The following SLC39A11 variants were observed in gnomAD, a reference collection of about 807,000 sequenced individuals.
The protein encoded by SLC39A11 is zinc transporter ZIP11.
SLC39A11 carries 33 observed loss-of-function variants against 36.1 expected under a neutral mutation model. The observed-to-expected ratio is 0.91, with a 90% CI of 0.69 to 1.22. The LOEUF is 1.22. SLC39A11 is among the 50% of genes most tolerant of loss of function. The pLI, the probability that SLC39A11 is intolerant of heterozygous loss-of-function variation, is 0.00. For synonymous variants in SLC39A11, 166 were observed against 170.3 expected (o/e 0.97, Z 0.20); for missense variants, 432 against 430.3 (o/e 1.00, Z -0.03).
chr17:72,993,398 T>G (rs1222052320), intron 4 of SLC39A11, among the ~76,000 whole-genome samples: 1 of 152,108 alleles, frequency 6.6e-6, no homozygotes, highest in African/African-American at 2.4e-5. Context: ...TCTGTAGGAG[T>G]TGAAACCCAC....
chr17:72,697,510 A>G (rs9902752), intron 7 of SLC39A11, among the ~76,000 whole-genome samples: 22,496 of 152,070 alleles, frequency 0.15, 2,251 homozygotes, highest in African/African-American at 0.29. Flanking sequence ...GTCTCACCCA[A>G]TCTCCCACAA....
At chr17:73,054,596 T>C (rs1393221790) in intron 3 of SLC39A11, among the ~76,000 whole-genome samples, 8 of 151,890 alleles carry the variant, frequency 5.3e-5, no homozygotes, top group Admixed American at 5.2e-4. Flanking sequence ...TCACTTGAGG[T>C]CAGGAGTTCG....
intron 5 of SLC39A11, among the ~76,000 whole-genome samples, chr17:72,897,669 T>C (rs1451108642): frequency 1.3e-5 from 2 of 152,122 alleles, no homozygotes; most frequent in Admixed American, 1.3e-4. Flanking sequence ...GACAGCATAG[T>C]GAGGGTCCTG....
intron 7 of SLC39A11, among the ~76,000 whole-genome samples, chr17:72,668,860 A>C (rs953565587): frequency 6.6e-6 from 1 of 152,238 alleles, no homozygotes; most frequent in Non-Finnish European, 1.5e-5. Context: ...GAAGACAGCC[A>C]GTTCTCAGGG....
intron 6 of SLC39A11, among the ~76,000 whole-genome samples, chr17:72,847,887 T>C (rs1053371499): frequency 6.6e-6 from 1 of 152,184 alleles, no homozygotes; most frequent in Non-Finnish European, 1.5e-5. Flanking sequence ...TTCTTGCTCC[T>C]GTATTAGAGT....
At chr17:72,668,709 C>T (rs967636259) in intron 7 of SLC39A11, among the ~76,000 whole-genome samples, 2 of 152,230 alleles carry the variant, frequency 1.3e-5, no homozygotes, top group African/African-American at 4.8e-5. Flanking sequence ...GCAACAACTG[C>T]TTGGTCCCCA....
chr17:72,671,636 G>A (rs1381102154), intron 7 of SLC39A11, among the ~76,000 whole-genome samples: 1 of 152,064 alleles, frequency 6.6e-6, no homozygotes, highest in Non-Finnish European at 1.5e-5. Flanking sequence ...CAGGAGAATC[G>A]TTTGAACCCA....
At chr17:72,843,755 G>T (rs1334018128) in intron 6 of SLC39A11, among the ~76,000 whole-genome samples, 1 of 152,172 alleles carries the variant, frequency 6.6e-6, no homozygotes, top group Non-Finnish European at 1.5e-5. Context: ...ATCCTCTTGT[G>T]AGATGGTGTA....
chr17:72,654,472 G>C (rs142915505), intron 7 of SLC39A11, among the ~76,000 whole-genome samples: 2 of 152,222 alleles, frequency 1.3e-5, no homozygotes, highest in Non-Finnish European at 2.9e-5. Flanking sequence ...AGGAGTTGGA[G>C]ACATGTGAAT....
At chr17:72,923,674 T>A (rs113286062) in intron 5 of SLC39A11, among the ~76,000 whole-genome samples, 10 of 152,126 alleles carry the variant, frequency 6.6e-5, no homozygotes, top group African/African-American at 2.2e-4. Flanking sequence ...AAACAGAACA[T>A]TGCTAGGGGG....
At chr17:72,978,538 A>G (rs549456590) in intron 4 of SLC39A11, among the ~76,000 whole-genome samples, 4 of 152,322 alleles carry the variant, frequency 2.6e-5, no homozygotes, top group African/African-American at 9.6e-5. Flanking sequence ...GCAGCCACGC[A>G]CAGAGCTTCG....
At chr17:72,752,169 T>A (rs557593452) in intron 6 of SLC39A11, among the ~76,000 whole-genome samples, 1 of 152,142 alleles carries the variant, frequency 6.6e-6, no homozygotes, top group Non-Finnish European at 1.5e-5. Flanking sequence ...AAAGAAAAAT[T>A]TTGATTTTTC....
At chr17:72,962,019 AATTC>A (rs1298219953) in intron 4 of SLC39A11, among the ~76,000 whole-genome samples, 3 of 152,194 alleles carry the variant, frequency 2.0e-5, no homozygotes, top group African/African-American at 7.2e-5. Flanking sequence ...CTTGGAGCAG[AATTC>A]ATTATTAAAC....
chr17:72,681,257 G>A (rs2071497336), intron 7 of SLC39A11, among the ~76,000 whole-genome samples: 4 of 152,192 alleles, frequency 2.6e-5, no homozygotes, highest in Non-Finnish European at 1.5e-5. Flanking sequence ...CCTGTTTTCA[G>A]TGATGTTGGG....
At chr17:72,885,749 C>T (rs2081409128) in intron 5 of SLC39A11, among the ~76,000 whole-genome samples, 1 of 152,166 alleles carries the variant, frequency 6.6e-6, no homozygotes, top group Admixed American at 6.5e-5. Flanking sequence ...TCCACACTTC[C>T]CCCCTCATCA....
chr17:72,806,668 C>T (rs577824875), intron 6 of SLC39A11, among the ~76,000 whole-genome samples: 2 of 152,216 alleles, frequency 1.3e-5, no homozygotes, highest in African/African-American at 2.4e-5. Context: ...CTGCAACCTC[C>T]GCCTCCCAAG....
chr17:72,715,930 C>G (rs1464608376), intron 7 of SLC39A11, among the ~76,000 whole-genome samples: 8 of 152,150 alleles, frequency 5.3e-5, no homozygotes. Flanking sequence ...CTCTTGACTT[C>G]AAGTGATCCG....
intron 3 of SLC39A11, chr17:73,067,921 A>C: frequency 1.2e-6 from 2 of 1,606,778 alleles, no homozygotes; most frequent in African/African-American, 1.3e-5. Context: ...CATCACTGCC[A>C]AAACACTCAG....
chr17:72,818,172 T>C (rs1312492833), intron 6 of SLC39A11, among the ~76,000 whole-genome samples: 1 of 152,188 alleles, frequency 6.6e-6, no homozygotes, highest in Non-Finnish European at 1.5e-5. Context: ...TCAGGGGTCC[T>C]TTCAAGACAT....
Sources: gnomAD v4.1 joint callset for allele counts (sites outside exome capture counted in the v4.1 genomes callset) on GRCh38, gnomAD v4.1.1 for gene constraint, MANE v1.5 for transcripts, NCBI Gene and HGNC (gene_info 2026-07-23, HGNC 2026-07-21) for gene names.